NUDT4: variants seen among roughly 807,000 people sequenced by gnomAD.
The protein encoded by NUDT4 is nudix hydrolase 4, also known as diphosphoinositol polyphosphate phosphohydrolase 2.
NUDT4 carries 5 observed loss-of-function variants against 23.1 expected under a neutral mutation model. The ratio of observed to expected loss-of-function variants is 0.22; its 90% CI spans 0.11 to 0.46. The LOEUF (loss-of-function observed/expected upper bound fraction) is 0.46. Ranked by LOEUF, NUDT4 falls within the 20% of genes least tolerant of loss-of-function variation. NUDT4 has a pLI of 0.99. For missense variants in NUDT4, 96 were observed against 211.6 expected, an observed-to-expected ratio of 0.45 and a Z score of 3.39; for synonymous variants, 50 against 79.0, an observed-to-expected ratio of 0.63 and a Z score of 1.95.
At chr12:93,395,840 C>A (rs930423395) in intron 3 of NUDT4, among the ~76,000 whole-genome samples, 3 of 152,186 alleles carry the variant, frequency 2.0e-5, no homozygotes, top group Non-Finnish European at 2.9e-5. Context: ...CCTGCCTCGT[C>A]CTCCCAAGTA....
intron 1 of NUDT4, 65 bp downstream of exon 1, chr12:93,378,486 C>T: frequency 7.0e-7 from 1 of 1,429,978 alleles, no homozygotes; most frequent in South Asian, 1.4e-5. Flanking sequence ...GGTGCTTCCC[C>T]TCGCTCCCCG....
At chr12:93,386,556 G>C (rs1876113392) in intron 1 of NUDT4, among the ~76,000 whole-genome samples, 1 of 151,840 alleles carries the variant, frequency 6.6e-6, no homozygotes, top group Non-Finnish European at 1.5e-5. Context: ...CTCCAACCTG[G>C]GTGACAGAGT....
chr12:93,389,777 T>C (rs1876357256), intron 1 of NUDT4, among the ~76,000 whole-genome samples: 1 of 151,612 alleles, frequency 6.6e-6, no homozygotes, highest in East Asian at 2.0e-4. Context: ...GGTGGGAGCC[T>C]GTAATCCCAG....
At position 93,402,886 on chromosome 12, in the gene NUDT4, A is replaced by G. The variant is rs775591469; in HGVS notation, c.*3507A>G. On this transcript the variant is annotated 3_prime_UTR_variant, in exon 5 of 5. Coordinates refer to ENST00000415493, the MANE Select transcript of NUDT4 (RefSeq NM_019094.6). ...ACATTTCCTAAAACATACTGCTGCC[A>G]AAGACCAACTGTAGAATCCTTAAGT... The G allele has an allele frequency of 6.6e-6, 1 of 151,992 alleles. No individual in the cohort carries two copies. Among genetic ancestry groups the G allele is most frequent in the Non-Finnish European group, 1.5e-5 (1 of 67,938 alleles). 9.4% of individuals were successfully genotyped at this position (151,992 alleles called of 1,614,324 possible).
intron 1 of NUDT4, among the ~76,000 whole-genome samples, chr12:93,380,235 C>A (rs796096427): frequency 2.0e-5 from 3 of 152,120 alleles, no homozygotes; most frequent in Admixed American, 6.6e-5. Context: ...ACTTGGAATT[C>A]AGGCTTTGTA....
At chr12:93,378,626 G>A (rs1445088984) in intron 1 of NUDT4, 35 of 1,217,078 alleles carry the variant, frequency 2.9e-5, no homozygotes, top group African/African-American at 2.0e-4. Context: ...AAGGGGGCTC[G>A]CCCAGCCCCA....
intron 1 of NUDT4, 82 bp downstream of exon 1, chr12:93,378,503 C>T (rs1357640190): frequency 3.7e-6 from 5 of 1,365,202 alleles, no homozygotes; most frequent in Non-Finnish European, 9.6e-7. Flanking sequence ...CCCGCCCCTG[C>T]GCAGGCTGCG....
intron 1 of NUDT4, among the ~76,000 whole-genome samples, chr12:93,392,907 C>T (rs1461239189): frequency 7.4e-6 from 1 of 135,884 alleles, no homozygotes; most frequent in African/African-American, 2.7e-5. Context: ...TGTGGAACTC[C>T]TGACCTCAGG....
At chr12:93,378,729 T>A in intron 1 of NUDT4, 2 of 1,077,764 alleles carry the variant, frequency 1.9e-6, no homozygotes. Flanking sequence ...CATCTTAACG[T>A]GCGAATTGAG....
intron 1 of NUDT4, among the ~76,000 whole-genome samples, chr12:93,380,242 T>C (rs566408944): frequency 6.6e-6 from 1 of 152,216 alleles, no homozygotes; most frequent in Non-Finnish European, 1.5e-5. Flanking sequence ...ATTCAGGCTT[T>C]GTAAAAATAC....
At chr12:93,386,057 C>T (rs1488167167) in intron 1 of NUDT4, among the ~76,000 whole-genome samples, 1 of 150,356 alleles carries the variant, frequency 6.7e-6, no homozygotes, top group Non-Finnish European at 1.5e-5. Context: ...CTCACTGCAG[C>T]CTTGACTTCC....
At chr12:93,398,106 G>C (rs1565783592) in intron 3 of NUDT4, among the ~76,000 whole-genome samples, 1 of 151,984 alleles carries the variant, frequency 6.6e-6, no homozygotes. Flanking sequence ...ACTTTGGGAG[G>C]CCGAGGTGGG....
chr12:93,387,422 C>T (rs951952652), intron 1 of NUDT4, among the ~76,000 whole-genome samples: 6 of 152,158 alleles, frequency 3.9e-5, no homozygotes, highest in Non-Finnish European at 7.3e-5. Flanking sequence ...TACTCCACTA[C>T]GGTGCAACTC....
intron 1 of NUDT4, among the ~76,000 whole-genome samples, chr12:93,379,582 A>ATT (rs57207174): frequency 4.6e-5 from 7 of 151,026 alleles, no homozygotes; most frequent in East Asian, 1.9e-4. Flanking sequence ...TTTTGCCTTT[A>ATT]TTTTTTTTTG....
At chr12:93,383,031 T>A (rs1330201598) in intron 1 of NUDT4, among the ~76,000 whole-genome samples, 2 of 152,018 alleles carry the variant, frequency 1.3e-5, no homozygotes, top group Admixed American at 6.6e-5. Flanking sequence ...TCCCAGAAGG[T>A]TTCCCGTCAT....
chr12:93,393,866 T>C (rs1035578804), intron 1 of NUDT4, among the ~76,000 whole-genome samples: 22 of 152,220 alleles, frequency 1.4e-4, no homozygotes, highest in Non-Finnish European at 5.9e-5. Flanking sequence ...TCTGTTATCT[T>C]CTTAGTATTC....
intron 1 of NUDT4, chr12:93,378,669 G>A: frequency 8.5e-7 from 1 of 1,178,150 alleles, no homozygotes. Context: ...GAAGGCGCCT[G>A]GTCCCCGGGA....
chr12:93,396,290 G>A (rs1485534166), intron 3 of NUDT4, among the ~76,000 whole-genome samples: 1 of 152,176 alleles, frequency 6.6e-6, no homozygotes, highest in Non-Finnish European at 1.5e-5. Flanking sequence ...TAGAACAGAT[G>A]CTAAAAGAAT....
intron 1 of NUDT4, among the ~76,000 whole-genome samples, chr12:93,379,605 G>C (rs1465813546): frequency 6.6e-6 from 1 of 152,018 alleles, no homozygotes; most frequent in Non-Finnish European, 1.5e-5. Flanking sequence ...AAGAAACCAA[G>C]CCCTTTAAAT....
Sources: gnomAD v4.1 joint callset for allele counts (sites outside exome capture counted in the v4.1 genomes callset) on GRCh38, gnomAD v4.1.1 for gene constraint, MANE v1.5 for transcripts, NCBI Gene and HGNC (gene_info 2026-07-23, HGNC 2026-07-21) for gene names.